NRXN1: variants seen among roughly 807,000 people sequenced by gnomAD.
NRXN1 encodes the protein neurexin 1, also known as neurexin-1.
In NRXN1, 39 loss-of-function variants were observed where a neutral mutation model predicts 150.9. The observed-to-expected ratio is 0.26, with a 90% CI of 0.20 to 0.34. The LOEUF is 0.34. Among genes scored for constraint, NRXN1 ranks in the 10% least tolerant of loss-of-function variants. The pLI is 1.00. For synonymous variants in NRXN1, 924 were observed against 757.0 expected (o/e 1.22, Z -3.62); for missense variants, 1,815 against 1,949.9 (o/e 0.93, Z 1.30).
chr2:50,311,283 G>A (rs2075158440), intron 17 of NRXN1, among the ~76,000 whole-genome samples: 1 of 152,100 alleles, frequency 6.6e-6, no homozygotes, highest in African/African-American at 2.4e-5. Context: ...TCACAGAAAA[G>A]CATGCATCAT....
At position 50,472,249 on chromosome 2, in the gene NRXN1, G is replaced by A. The variant is rs773460657; in HGVS notation, c.3244+49C>T. 10 of 1,445,032 alleles carry A rather than the reference G, an allele frequency of 6.9e-6. No homozygotes were observed. In the East Asian group the frequency reaches 2.1e-4, roughly 31 times the overall value. The allele number at this position is 1,445,032 out of a possible 1,614,324, so 89.5% of individuals were successfully genotyped here. A position where few individuals can be genotyped will look rare whatever the true frequency, so the allele number is the denominator to read the frequency against. The stretch of plus-strand genomic sequence containing the variant: ...GGACAGTGAGATTCACTCTCAGTTA[G>A]ACAGGTGGAATTAGAATTATTTAGA... On this transcript the variant is annotated intron_variant, in intron 16 of 22. Transcript: ENST00000401669.
At chr2:50,239,879 T>C (rs1319875511) in intron 17 of NRXN1, among the ~76,000 whole-genome samples, 1 of 150,306 alleles carries the variant, frequency 6.7e-6, no homozygotes, top group African/African-American at 2.4e-5. Context: ...CACCTCACAA[T>C]ACTTTTAAAA....
chr2:50,491,302 G>C lies in NRXN1; in HGVS notation c.3070+4603C>G, dbSNP rs144863393. ...TTATATTCAGGATTGGAGAGGGCAG[G>C]GAGCTGAGTAATAGCAACTGGTCAG... On this transcript the variant is annotated intron_variant, in intron 15 of 22. Transcript: ENST00000401669. 5.3e-3 allele frequency among the ~76,000 whole-genome samples: 800 copies of C among 152,274 alleles called. 2 individuals are homozygous for C. The highest frequency in any genetic ancestry group is 9.0e-3 in the Non-Finnish European group (612 of 68,022).
intron 17 of NRXN1, among the ~76,000 whole-genome samples, chr2:50,378,812 A>G (rs2080719220): frequency 6.6e-6 from 1 of 152,186 alleles, no homozygotes. Flanking sequence ...GGTAACTTTA[A>G]GAGGGAAACT....
intron 21 of NRXN1, among the ~76,000 whole-genome samples, chr2:49,978,719 A>AG (rs1371363116): frequency 6.6e-6 from 1 of 151,492 alleles, no homozygotes; most frequent in Non-Finnish European, 1.5e-5. Flanking sequence ...GGCCACAAAA[A>AG]AAAAAAAAAA....
intron 17 of NRXN1, among the ~76,000 whole-genome samples, chr2:50,352,825 C>A (rs1314880797): frequency 1.3e-5 from 2 of 148,558 alleles, no homozygotes; most frequent in African/African-American, 5.0e-5. Flanking sequence ...CTAAAAGCAT[C>A]TCTGGAGATT....
intron 5 of NRXN1, among the ~76,000 whole-genome samples, chr2:50,669,233 C>T (rs977574856): frequency 7.2e-5 from 11 of 151,986 alleles, no homozygotes; most frequent in African/African-American, 2.4e-4. Context: ...GGACCTGGAA[C>T]ATGGTGGAGC....
At chr2:50,812,965 T>A (rs1446907446) in intron 5 of NRXN1, among the ~76,000 whole-genome samples, 1 of 152,092 alleles carries the variant, frequency 6.6e-6, no homozygotes, top group Non-Finnish European at 1.5e-5. Flanking sequence ...AATAAAAAGA[T>A]AATTGCCTGC....
intron 21 of NRXN1, among the ~76,000 whole-genome samples, chr2:49,996,434 A>T (rs546853536): frequency 6.6e-6 from 1 of 152,350 alleles, no homozygotes; most frequent in Admixed American, 6.5e-5. Context: ...TTTACATAGT[A>T]TGGTAGGCTA....
chr2:50,732,851 G>A (rs1407637459), intron 5 of NRXN1, among the ~76,000 whole-genome samples: 2 of 152,118 alleles, frequency 1.3e-5, no homozygotes, highest in Non-Finnish European at 2.9e-5. Context: ...AAGAAATAGA[G>A]GCAGTGAAGC....
chr2:50,014,364 T>C (rs1178832067), intron 21 of NRXN1, among the ~76,000 whole-genome samples: 3 of 152,166 alleles, frequency 2.0e-5, no homozygotes, highest in African/African-American at 7.2e-5. Context: ...ATGTATGTCC[T>C]TGTGTTTAAT....
intron 18 of NRXN1, among the ~76,000 whole-genome samples, chr2:50,196,017 T>G (rs2061737920): frequency 1.3e-5 from 2 of 152,056 alleles, no homozygotes; most frequent in Admixed American, 1.3e-4. Context: ...TGTGCAGGTT[T>G]GTTACATATG....
At chr2:50,528,421 G>C (rs896322034) in intron 12 of NRXN1, among the ~76,000 whole-genome samples, 9 of 152,072 alleles carry the variant, frequency 5.9e-5, no homozygotes, top group Admixed American at 2.6e-4. Flanking sequence ...TTTCCATATA[G>C]AGGTAGGAAC....
At chr2:50,473,938 AG>A (rs2089748332) in intron 15 of NRXN1, among the ~76,000 whole-genome samples, 1 of 152,012 alleles carries the variant, frequency 6.6e-6, no homozygotes, top group African/African-American at 2.4e-5. Flanking sequence ...GCATACTCAA[AG>A]TCATTCAACG....
rs540794018 is a variant in NRXN1 at position 50,675,417 on chromosome 2, G to C, written c.833-51802C>G. 6.3e-4 allele frequency among the ~76,000 whole-genome samples: 96 copies of C among 152,240 alleles called. 2 individuals are homozygous for C. In the South Asian group the frequency reaches 0.012, roughly 19 times the overall value. ...GAGAATGACTTAATTCATTGTGTTAGACTACAACTGCTTGGAAAGCATAGT... is the reference window on the plus strand; with the variant it reads ...GAGAATGACTTAATTCATTGTGTTACACTACAACTGCTTGGAAAGCATAGT... On this transcript the variant is annotated intron_variant, in intron 5 of 22. Transcript: ENST00000401669.
At chr2:50,891,942 G>A (rs1681125925) in intron 5 of NRXN1, among the ~76,000 whole-genome samples, 1 of 151,924 alleles carries the variant, frequency 6.6e-6, no homozygotes, top group South Asian at 2.1e-4. Context: ...GTAGGTTCTG[G>A]GGGTACAGCC....
chr2:50,387,700 A>C (rs2081416265), intron 17 of NRXN1, among the ~76,000 whole-genome samples: 1 of 152,164 alleles, frequency 6.6e-6, no homozygotes, highest in Non-Finnish European at 1.5e-5. Flanking sequence ...GGTCCTATGA[A>C]GCTTCTCTTC....
At chr2:50,390,564 C>T (rs1486203486) in intron 17 of NRXN1, among the ~76,000 whole-genome samples, 2 of 151,974 alleles carry the variant, frequency 1.3e-5, no homozygotes, top group Non-Finnish European at 2.9e-5. Context: ...GACTGTGTTC[C>T]CCAAAGTTCA....
At chr2:50,312,907 C>T (rs916049632) in intron 17 of NRXN1, 1 of 430,064 alleles carries the variant, frequency 2.3e-6, no homozygotes, top group Admixed American at 2.5e-5. Context: ...CTTGTTAGGG[C>T]ATGCCACAGA....
Sources: allele counts gnomAD v4.1 joint callset (sites outside exome capture counted in the v4.1 genomes callset), GRCh38; gene constraint gnomAD v4.1.1; transcripts MANE v1.5; gene names NCBI Gene and HGNC (gene_info 2026-07-23, HGNC 2026-07-21).